The following PCNX3 variants were observed in gnomAD, a reference collection of about 807,000 sequenced individuals.
PCNX3 encodes pecanex 3, also known as pecanex-like protein 3.
In PCNX3, 58 loss-of-function variants were observed where a neutral mutation model predicts 207.2. The ratio of observed to expected loss-of-function variants is 0.28; its 90% confidence interval spans 0.23 to 0.35. The LOEUF is 0.35. Ranked by LOEUF, PCNX3 falls within the 10% of genes least tolerant of loss-of-function variation. The probability of loss-of-function intolerance (pLI) is 1.00; values close to 1 mark genes in which losing one functional copy is unlikely to be tolerated. For synonymous variants in PCNX3, 1,337 were observed against 1,183.5 expected (o/e 1.13, Z -2.66); for missense variants, 2,410 against 2,774.4 (o/e 0.87, Z 2.95).
In PCNX3 at chr11:65,617,140, C is replaced by T. The variant is rs919316364; in HGVS notation, c.342-110C>T. On this transcript the variant is annotated intron_variant, in intron 2 of 34. Transcript: ENST00000355703. ...ATTGTGAACACTTGTCCTGTGTTAG[C>T]CCTGGAATTGTAAAGTGACTTCTGA... is the stretch of plus-strand genomic sequence containing the variant. 372 of 1,390,406 alleles carry T rather than the reference C, an allele frequency of 2.7e-4. 1 individual carries two copies. Among genetic ancestry groups the T allele is most frequent in the Middle Eastern group, 2.2e-3 (9 of 4,074 alleles). 86.1% of individuals were successfully genotyped at this position (1,390,406 alleles called of 1,614,324 possible). A position where few individuals can be genotyped will look rare whatever the true frequency, so the allele number is the denominator to read the frequency against.
intron 7 of PCNX3, 38 bp downstream of exon 7, chr11:65,619,698 GC>G: frequency 6.4e-7 from 1 of 1,568,768 alleles, no homozygotes; most frequent in Non-Finnish European, 8.6e-7. Context: ...GGCACCGGGG[GC>G]CGGGGAGGGC....
chr11:65,626,562 G>C, intron 20 of PCNX3: 2 of 437,016 alleles, frequency 4.6e-6, no homozygotes, highest in Non-Finnish European at 8.5e-6. Flanking sequence ...AGCCTGAACC[G>C]AGGGGTCTGC....
chr11:65,626,015 G>T lies in PCNX3; in HGVS notation c.3340G>T (p.Val1114Leu). The change falls in exon 20 of 35, where the codon GTG (valine) becomes TTG (leucine). Residue 1114 changes from valine to leucine, a missense_variant. This residue lies in a region of PCNX3 where 333 missense variants were observed against 386.8 expected (regional missense o/e 0.86). Transcript: ENST00000355703. The stretch of plus-strand genomic sequence containing the variant: ...GCCCTGGTTCTGCCTGTCACAGCCC[G>T]TGCTGAAGCCGCTGGAGTACAGCCA... Reference protein sequence around the residue: ...QLPWFCLSQPVLKPLEYSQYE... With the variant: ...QLPWFCLSQPLLKPLEYSQYE... The T allele has an allele frequency of 6.2e-7, 1 of 1,612,640 alleles. No individual in the cohort carries two copies. Among genetic ancestry groups the T allele is most frequent in the Non-Finnish European group, 8.5e-7 (1 of 1,179,456 alleles).
rs199564510 is a variant in PCNX3, at chr11:65,626,053, C to T, written c.3378C>T (p.Arg1126=). ...KPLEYSQYEV[R]GAAQVMWFEK... The stretch of plus-strand genomic sequence containing the variant: ...TGGAGTACAGCCAGTATGAAGTGCG[C>T]GGTGAGTGCCCACCCCTGATGGCCA... The change falls in exon 20 of 35, where the codon CGC becomes CGT. Residue 1126 remains arginine, a splice_region_variant and synonymous_variant. Transcript: ENST00000355703. The T allele has an allele frequency of 4.0e-5, 64 of 1,599,930 alleles. No individual in the cohort carries two copies. Among genetic ancestry groups the T allele is most frequent in the South Asian group, 1.6e-4 (14 of 89,206 alleles).
chr11:65,625,786 C>G lies in PCNX3; in HGVS notation c.3228+42C>G. ...CCGCTGCTGCCTCTCGCTGTCTTGG[C>G]GGGAGCCTGCTCAATCTGAGTGCCG... On this transcript the variant is annotated intron_variant, in intron 19 of 34. Transcript: ENST00000355703. This position sits in a 1 kb window ranked among gnomAD's most constrained non-coding sequence, Gnocchi z 5.6. The G allele has an allele frequency of 6.3e-7, 1 of 1,597,396 alleles. No homozygotes were observed. Among genetic ancestry groups the G allele is most frequent in the Non-Finnish European group, 8.5e-7 (1 of 1,173,534 alleles).
rs1855422312 is a variant in PCNX3 at position 65,626,922 on chromosome 11, G to T, written c.3398G>T (p.Trp1133Leu). 2 of 1,586,322 alleles carry T rather than the reference G, an allele frequency of 1.3e-6. No individual in the cohort carries two copies. The highest frequency in any genetic ancestry group is 1.7e-6 in the Non-Finnish European group (2 of 1,166,350). ...YEVRGAAQVM[W>L]FEKLYAGLQC... ...CACACAGGTGCCGCCCAGGTGATGT[G>T]GTTTGAGAAGCTGTATGCTGGCCTG... The change falls in exon 21 of 35, where the codon TGG becomes TTG. Residue 1133 changes from tryptophan to leucine, a missense_variant. By Grantham distance (61) the Trp-to-Leu change is moderately conservative. This residue lies in a region of PCNX3 where 333 missense variants were observed against 386.8 expected (regional missense o/e 0.86). Transcript: ENST00000355703.
At chr11:65,622,122 A>G in intron 10 of PCNX3, 123 bp from the exon 11 acceptor site, 12 of 1,437,928 alleles carry the variant, frequency 8.3e-6, no homozygotes, top group Non-Finnish European at 8.2e-6. Flanking sequence ...GGAAATGGTC[A>G]ACCAGACCGG....
In PCNX3 at chr11:65,616,218, G is replaced by T; in HGVS notation, c.-94G>T. 1.9e-6 allele frequency: 2 copies of T among 1,072,376 alleles called. No individual in the cohort carries two copies. Among genetic ancestry groups the T allele is most frequent in the South Asian group, 3.7e-5 (2 of 53,352 alleles). 66.4% of individuals were successfully genotyped at this position (1,072,376 alleles called of 1,614,324 possible). Reference sequence around the variant, plus strand: ...GGCCATGGCGTGAGCGTGAGGCCGGGCCCCGGGGCCCTCAGGCGCCAGACG... The same window carrying T: ...GGCCATGGCGTGAGCGTGAGGCCGGTCCCCGGGGCCCTCAGGCGCCAGACG... On this transcript the variant is annotated 5_prime_UTR_variant, in exon 1 of 35. Transcript: ENST00000355703.
Position 65,617,679 on chromosome 11 carries a change from C to T in PCNX3, c.550C>T (p.Leu184=). ...VIVTSADREM[L]KLSSQEKLIG... is the part of the protein sequence containing the mutation. ...CGTGACTTCTGCCGACCGAGAGATG[C>T]TGAAGCTCAGCTCGCAGGAGAAACT... The change falls in exon 5 of 35, where the codon CTG becomes TTG. Residue 184 remains leucine, a synonymous_variant. Transcript: ENST00000355703. The T allele has an allele frequency of 6.3e-7, 1 of 1,578,478 alleles. No individual in the cohort carries two copies. Among genetic ancestry groups the T allele is most frequent in the Non-Finnish European group, 8.6e-7 (1 of 1,162,014 alleles).
chr11:65,634,485 G>C, intron 28 of PCNX3, 53 bp from the exon 29 acceptor site: 1 of 1,535,538 alleles, frequency 6.5e-7, no homozygotes, highest in East Asian at 2.4e-5. Flanking sequence ...CCACTCCAAG[G>C]TCCCTGTCCC....
intron 11 of PCNX3, 118 bp from the exon 12 acceptor site, chr11:65,623,373 A>G: frequency 2.3e-6 from 3 of 1,330,188 alleles, no homozygotes; most frequent in Non-Finnish European, 3.0e-6. Flanking sequence ...TTCAGAGGAC[A>G]AGGGTCTGGC....
At chr11:65,636,058 G>T (rs1375521292) in intron 32 of PCNX3, 116 bp from the exon 33 acceptor site, 2 of 1,449,648 alleles carry the variant, frequency 1.4e-6, no homozygotes, top group Non-Finnish European at 1.9e-6. Flanking sequence ...TAGAGGGGAG[G>T]ATCCTGGGGC....
Position 65,636,818 on chromosome 11 carries a change from G to T in PCNX3, c.5945G>T (p.Ser1982Ile). The T allele has an allele frequency of 6.5e-7, 1 of 1,548,276 alleles. No individual in the cohort carries two copies. The highest frequency in any genetic ancestry group is 8.7e-7 in the Non-Finnish European group (1 of 1,146,774). ...SLSLSLSPDV[S>I]TEASPPRASQ... is the part of the protein sequence containing the mutation. ...AGCCTCAGCCTCAGCCCCGATGTCA[G>T]CACTGAGGCCTCACCCCCCAGAGCT... is the stretch of plus-strand genomic sequence containing the variant. Residue 1982 changes from serine to isoleucine, a missense_variant, in exon 35 of 35, where the codon AGC becomes ATC. By Grantham distance (142) the Ser-to-Ile change is moderately radical. Around this residue, in one of 8 missense-constraint regions of PCNX3, gnomAD observed 278 missense variants for 245.1 expected, o/e 1.13. Transcript: ENST00000355703.
rs781299274 is a variant in PCNX3 at position 65,617,232 on chromosome 11, G to T, written c.342-18G>T. 6.3e-7 allele frequency: 1 copy of T among 1,587,216 alleles called. No individual in the cohort carries two copies. Among genetic ancestry groups the T allele is most frequent in the South Asian group, 1.1e-5 (1 of 87,710 alleles). ...GAGGAGAGGTTAGCTCAAAGCTGCT[G>T]CTCTTTTTCACCGCCAGGGACCCCG... On this transcript the variant is annotated intron_variant, in intron 2 of 34. Coordinates refer to ENST00000355703, the MANE Select transcript of PCNX3 (RefSeq NM_032223.4).
At chr11:65,634,874 G>C in intron 29 of PCNX3, 99 bp from the exon 30 acceptor site, 1 of 1,451,150 alleles carries the variant, frequency 6.9e-7, no homozygotes, top group South Asian at 1.4e-5. Flanking sequence ...GGAAACTGAG[G>C]CTCAGCGTGA....
At chr11:65,626,087 C>T (rs767194370) in intron 20 of PCNX3, 33 bp downstream of exon 20, 4 of 1,568,048 alleles carry the variant, frequency 2.6e-6, no homozygotes, top group Non-Finnish European at 3.4e-6. Flanking sequence ...CAGGCCTGGG[C>T]AGTGGCTCGG....
Position 65,616,399 on chromosome 11 carries a change from T to A in PCNX3, c.88T>A (p.Phe30Ile). 6.2e-7 allele frequency: 1 copy of A among 1,610,834 alleles called. No individual in the cohort carries two copies. Among genetic ancestry groups the A allele is most frequent in the Non-Finnish European group, 8.5e-7 (1 of 1,179,506 alleles). The change falls in exon 1 of 35, where the codon TTC (phenylalanine) becomes ATC (isoleucine). Residue 30 changes from phenylalanine to isoleucine, a missense_variant. Phe to Ile is a conservative substitution (Grantham distance 21, BLOSUM62 0). Coordinates refer to ENST00000355703, the MANE Select transcript of PCNX3 (RefSeq NM_032223.4). ...GTTCTTCGACCCGCACCAGAGCACC[T>A]TCTCCAACTGCTTCCACCTCTATGT... is the stretch of plus-strand genomic sequence containing the variant. ...GWFFDPHQST[F>I]SNCFHLYVWI...
At position 65,617,515 on chromosome 11, in the gene PCNX3, T is replaced by G. The variant is rs1590867369; in HGVS notation, c.481+6T>G. The G allele has an allele frequency of 6.2e-7, 1 of 1,613,874 alleles. No individual in the cohort carries two copies. Among genetic ancestry groups the G allele is most frequent in the Non-Finnish European group, 8.5e-7 (1 of 1,179,854 alleles). On this transcript the variant is annotated splice_donor_region_variant and intron_variant, in intron 4 of 34. Transcript: ENST00000355703. ...GGACTCTGGGCCCCTTAGAGGTAGGTGGCTGCTCTTCAGGGTTGGAGCATA... is the reference window on the plus strand; with the variant it reads ...GGACTCTGGGCCCCTTAGAGGTAGGGGGCTGCTCTTCAGGGTTGGAGCATA...
chr11:65,627,749 A>G (rs1347109280), intron 22 of PCNX3, among the ~76,000 whole-genome samples, 167 bp downstream of exon 22: 3 of 152,044 alleles, frequency 2.0e-5, no homozygotes, highest in Non-Finnish European at 4.4e-5. Flanking sequence ...CACCCTCTAC[A>G]GAGAGGAAGC....
Sources: gnomAD v4.1 joint callset for allele counts (sites outside exome capture counted in the v4.1 genomes callset) on GRCh38, gnomAD v4.1.1 for gene constraint, gnomAD v4.1.1 regional missense constraint, Gnocchi (gnomAD v3.1) non-coding constraint, MANE v1.5 for transcripts, NCBI Gene and HGNC (gene_info 2026-07-23, HGNC 2026-07-21) for gene names.